The following GGNBP2 variants were observed in gnomAD, a reference collection of about 807,000 sequenced individuals.
The protein encoded by GGNBP2 is gametogenetin binding protein 2, also known as gametogenetin-binding protein 2.
GGNBP2 carries 10 observed loss-of-function variants against 85.9 expected under a neutral mutation model. The observed-to-expected ratio is 0.12, with a 90% CI of 0.07 to 0.20. GGNBP2 has a LOEUF of 0.20. GGNBP2 is among the 10% of genes least tolerant of loss of function. The pLI is 1.00. For missense variants in GGNBP2, 595 were observed against 857.8 expected (o/e 0.69, Z 3.83); for synonymous variants, 287 against 285.7 (o/e 1.00, Z -0.05).
At chr17:36,560,400 A>C (rs1273931415) in intron 4 of GGNBP2, among the ~76,000 whole-genome samples, 1 of 152,226 alleles carries the variant, frequency 6.6e-6, no homozygotes, top group Non-Finnish European at 1.5e-5. Context: ...TTGTGTTTAC[A>C]TAATGTTTTG....
At chr17:36,559,265 C>G (rs907130313) in intron 4 of GGNBP2, among the ~76,000 whole-genome samples, 1 of 143,854 alleles carries the variant, frequency 7.0e-6, no homozygotes, top group African/African-American at 2.6e-5. Context: ...CCACTGCAGT[C>G]CAGCGTGGGC....
chr17:36,551,205 T>C (rs942506820), intron 2 of GGNBP2, among the ~76,000 whole-genome samples: 1 of 137,330 alleles, frequency 7.3e-6, no homozygotes. Context: ...GTGTTCTTTA[T>C]TGACTTTTTT....
intron 2 of GGNBP2, chr17:36,547,065 GGTA>G (rs1447152642): frequency 2.0e-5 from 3 of 152,086 alleles, no homozygotes; most frequent in Non-Finnish European, 4.4e-5. Context: ...CATGAAAAAA[GGTA>G]GAATGATTTG....
At chr17:36,561,072 T>A (rs2074412033) in intron 5 of GGNBP2, among the ~76,000 whole-genome samples, 1 of 152,078 alleles carries the variant, frequency 6.6e-6, no homozygotes, top group Non-Finnish European at 1.5e-5. Context: ...AGATCTGATT[T>A]AAAAAAATTT....
chr17:36,567,627 A>G (rs2074481238), intron 5 of GGNBP2, 36 bp from the exon 6 acceptor site: 3 of 1,105,810 alleles, frequency 2.7e-6, no homozygotes, highest in Non-Finnish European at 4.1e-6. Context: ...ACCCTTCTGT[A>G]TTCTCCCTTT....
At chr17:36,553,550 C>T (rs76656024) in intron 2 of GGNBP2, among the ~76,000 whole-genome samples, 2,799 of 152,242 alleles carry the variant, frequency 0.018, 78 homozygotes, top group East Asian at 0.093. Flanking sequence ...TTTAAGATCG[C>T]ATTCAACTGG....
chr17:36,588,244 G>A (rs540194045), intron 13 of GGNBP2, among the ~76,000 whole-genome samples: 3 of 152,108 alleles, frequency 2.0e-5, no homozygotes, highest in East Asian at 1.9e-4. Flanking sequence ...CAAATCCTTC[G>A]GAATACTAGC....
chr17:36,560,727 G>T (rs1226549622), intron 4 of GGNBP2, 46 bp from the exon 5 acceptor site: 2 of 1,115,230 alleles, frequency 1.8e-6, no homozygotes, highest in African/African-American at 1.6e-5. Flanking sequence ...TTTAAAATTT[G>T]AAAGTAAAAT....
At chr17:36,556,973 A>T (rs2074368177) in intron 3 of GGNBP2, 110 bp from the exon 4 acceptor site, 8 of 1,295,146 alleles carry the variant, frequency 6.2e-6, no homozygotes, top group Non-Finnish European at 8.7e-6. Context: ...AGAGCTGGTA[A>T]ACCCTGGCCA....
chr17:36,548,615 CAAAAAAAAAAAAAAAAAAAAAA>C (rs71159614), intron 2 of GGNBP2, among the ~76,000 whole-genome samples: 43 of 23,734 alleles, frequency 1.8e-3, no homozygotes, highest in Middle Eastern at 0.042. Context: ...GACTCTGTCT[CAAAAAAAAAAAAAAAAAAAAAA>C]AAAAAAAAAA....
chr17:36,558,185 AG>A (rs1165558871), intron 4 of GGNBP2, among the ~76,000 whole-genome samples: 1 of 151,908 alleles, frequency 6.6e-6, no homozygotes, highest in Non-Finnish European at 1.5e-5. Flanking sequence ...AGGCCGAGGC[AG>A]TTGGATTGCC....
chr17:36,554,906 A>G lies in GGNBP2; in HGVS notation c.174+6A>G. On this transcript the variant is annotated splice_donor_region_variant and intron_variant, in intron 3 of 13. Transcript: ENST00000613102. ...AGCTAAAGCAGTTCATTCAGGTAATAGTTTTTTCAATCAGTGTTTTTAATG... is the reference window on the plus strand; with the variant it reads ...AGCTAAAGCAGTTCATTCAGGTAATGGTTTTTTCAATCAGTGTTTTTAATG... The G allele has an allele frequency of 6.5e-7, 1 of 1,548,402 alleles. No individual in the cohort carries two copies. Among genetic ancestry groups the G allele is most frequent in the African/African-American group, 1.4e-5 (1 of 73,780 alleles).
At chr17:36,554,244 G>A (rs552596560) in intron 2 of GGNBP2, among the ~76,000 whole-genome samples, 171 of 146,772 alleles carry the variant, frequency 1.2e-3, no homozygotes, top group Non-Finnish European at 1.9e-3. Context: ...AGGAGGTGGA[G>A]GTTGTGATGA....
intron 5 of GGNBP2, among the ~76,000 whole-genome samples, chr17:36,562,927 C>A (rs1291532561): frequency 8.4e-6 from 1 of 119,578 alleles, no homozygotes; most frequent in East Asian, 2.8e-4. Context: ...ATCGTGTCGC[C>A]TGGGCGACAG....
intron 5 of GGNBP2, among the ~76,000 whole-genome samples, chr17:36,562,366 G>A (rs1473977946): frequency 1.3e-5 from 2 of 151,526 alleles, no homozygotes; most frequent in Non-Finnish European, 2.9e-5. Context: ...ACGGGGTTTC[G>A]CCATGTTGCC....
At position 36,575,314 on chromosome 17, in the gene GGNBP2, A is replaced by G. The variant is rs2074566171; in HGVS notation, c.642-2669A>G. The G allele has an allele frequency of 1.3e-5, 6 of 460,890 alleles. No homozygotes were observed. In the East Asian group the frequency reaches 2.8e-4, roughly 22 times the overall value. The allele number at this position is 460,890 out of a possible 1,614,324, so 28.6% of individuals were successfully genotyped here. ...ATCCCCACCACCGGCTGCCACCAGC[A>G]TCATCTGCCATTTGGTGTTTTCTCA... On this transcript the variant is annotated intron_variant, in intron 6 of 13. Transcript: ENST00000613102.
chr17:36,554,527 C>T (rs2074343107), intron 2 of GGNBP2, among the ~76,000 whole-genome samples: 1 of 151,796 alleles, frequency 6.6e-6, no homozygotes, highest in African/African-American at 2.4e-5. Flanking sequence ...GCCACCAAAC[C>T]TGCCTAATTT....
Position 36,557,118 on chromosome 17 carries a change from T to G in GGNBP2, c.210T>G (p.Ile70Met). The G allele has an allele frequency of 1.2e-6, 2 of 1,614,148 alleles. No homozygotes were observed. The highest frequency in any genetic ancestry group is 1.7e-6 in the Non-Finnish European group (2 of 1,180,036). ...HGMLKQQDLS[I>M]AMVVTSREVL... ...TGCTTAAGCAACAGGATCTAAGTATTGCCATGGTGGTGACATCACGCGAAG... is the reference window on the plus strand; with the variant it reads ...TGCTTAAGCAACAGGATCTAAGTATGGCCATGGTGGTGACATCACGCGAAG... Residue 70 changes from isoleucine to methionine, a missense_variant, in exon 4 of 14, where the codon ATT becomes ATG. By Grantham distance (10) the Ile-to-Met change is conservative (BLOSUM62 1). Around this residue, in one of 9 missense-constraint regions of GGNBP2, gnomAD observed 216 missense variants for 293.4 expected, o/e 0.74. Coordinates refer to ENST00000613102, the MANE Select transcript of GGNBP2 (RefSeq NM_024835.5).
Position 36,581,349 on chromosome 17 carries a change from C to G in GGNBP2, c.1026C>G (p.Thr342=). 6.3e-7 allele frequency: 1 copy of G among 1,583,346 alleles called. No homozygotes were observed. The highest frequency in any genetic ancestry group is 8.6e-7 in the Non-Finnish European group (1 of 1,165,782). Residue 342 remains threonine (T), a synonymous_variant, in exon 9 of 14, where the codon ACC becomes ACG. Coordinates refer to ENST00000613102, the MANE Select transcript of GGNBP2 (RefSeq NM_024835.5). ...CAACCTTATTTTTATAATAGATGAC[C>G]GTGGAAAAAGTACAGGGTATTAGCA... ...VDALRKSFEM[T]VEKVQGISRL...
Sources: gnomAD v4.1 joint callset for allele counts (sites outside exome capture counted in the v4.1 genomes callset) on GRCh38, gnomAD v4.1.1 for gene constraint, gnomAD v4.1.1 regional missense constraint, MANE v1.5 for transcripts, NCBI Gene and HGNC (gene_info 2026-07-23, HGNC 2026-07-21) for gene names.